Variants in MAN2B1 observed in about 807,000 individuals in gnomAD.
MAN2B1 encodes the protein lysosomal alpha-mannosidase.
In MAN2B1, 99 loss-of-function variants were observed where a neutral mutation model predicts 127.5. The ratio of observed to expected loss-of-function variants is 0.78; its 90% CI spans 0.66 to 0.92. The LOEUF (loss-of-function observed/expected upper bound fraction) is 0.92. Among genes scored for constraint, MAN2B1 ranks in the 40% least tolerant of loss-of-function variants. MAN2B1 has a pLI of 0.00. For synonymous variants in MAN2B1, 573 were observed against 568.8 expected (o/e 1.01, Z -0.11); for missense variants, 1,304 against 1,384.8 (o/e 0.94, Z 0.93).
chr19:12,647,219 G>T lies in MAN2B1; in HGVS notation c.2923+14C>A. On this transcript the variant is annotated intron_variant, in intron 23 of 23. Transcript: ENST00000456935. This position sits in a 1 kb window ranked among gnomAD's most constrained non-coding sequence, Gnocchi z 4.9. ...AAGACTCCACCCCTTCCCTACCCCT[G>T]ACCAGGGCCCCACCTGTGTTTGTTG... 6.2e-7 allele frequency: 1 copy of T among 1,608,818 alleles called. No homozygotes were observed. Among genetic ancestry groups the T allele is most frequent in the South Asian group, 1.1e-5 (1 of 90,924 alleles).
Position 12,658,111 on chromosome 19 carries a change from G to C in MAN2B1, c.1261C>G (p.Leu421Val). 6.2e-7 allele frequency: 1 copy of C among 1,613,494 alleles called. No individual in the cohort carries two copies. The highest frequency in any genetic ancestry group is 1.7e-4 in the Middle Eastern group (1 of 6,042). Residue 421 changes from leucine (L) to valine (V), a missense_variant, in exon 10 of 24, where the codon CTG becomes GTG. By Grantham distance (32) the Leu-to-Val change is conservative (BLOSUM62 1). Coordinates refer to ENST00000456935, the MANE Select transcript of MAN2B1 (RefSeq NM_000528.4). ...CCATAGGGTCCCACGTTGGCCGCCAGGCCCACCAGCGCCTCCAGCTGGTTG... is the reference window on the plus strand; with the variant it reads ...CCATAGGGTCCCACGTTGGCCGCCACGCCCACCAGCGCCTCCAGCTGGTTG... ...VCNQLEALVG[L>V]AANVGPYGSG...
chr19:12,652,866 G>C (rs1007334589), intron 14 of MAN2B1, among the ~76,000 whole-genome samples: 6 of 150,936 alleles, frequency 4.0e-5, no homozygotes, highest in African/African-American at 1.5e-4. Context: ...ACAGAAACTT[G>C]CTGTGTCGCC....
chr19:12,665,000 G>C lies in MAN2B1; in HGVS notation c.437-15C>G. 1 of 1,611,620 alleles carries C rather than the reference G, an allele frequency of 6.2e-7. No individual in the cohort carries two copies. Reference sequence around the variant, plus strand: ...CTCCAGGCGCCCTGTGCCAGGACAGGCAAGGTCAGGGTCAGCGGTCAGAGC... The same window carrying C: ...CTCCAGGCGCCCTGTGCCAGGACAGCCAAGGTCAGGGTCAGCGGTCAGAGC... On this transcript the variant is annotated splice_polypyrimidine_tract_variant and intron_variant, in intron 3 of 23. Transcript: ENST00000456935.
chr19:12,650,403 G>T (rs1391068140), intron 16 of MAN2B1, among the ~76,000 whole-genome samples, 181 bp from the exon 17 acceptor site: 3 of 146,464 alleles, frequency 2.0e-5, no homozygotes, highest in Non-Finnish European at 4.5e-5. Context: ...CTTTTGCCCA[G>T]GCGGGAGTGC....
At position 12,658,359 on chromosome 19, in the gene MAN2B1, G is replaced by C. The variant is rs202085731; in HGVS notation, c.1110-15C>G. 6.2e-7 allele frequency: 1 copy of C among 1,614,236 alleles called. No individual in the cohort carries two copies. Among genetic ancestry groups the C allele is most frequent in the Admixed American group, 1.7e-5 (1 of 60,026 alleles). The stretch of plus-strand genomic sequence containing the variant: ...GTTTCACTGACCTACAGCGGCAGGG[G>C]CATTGAGGGCAGGGTCATGACCCAC... On this transcript the variant is annotated splice_polypyrimidine_tract_variant and intron_variant, in intron 8 of 23. Transcript: ENST00000456935.
At chr19:12,654,636 T>A (rs1023824787) in intron 14 of MAN2B1, among the ~76,000 whole-genome samples, 1 of 152,210 alleles carries the variant, frequency 6.6e-6, no homozygotes, top group Non-Finnish European at 1.5e-5. Flanking sequence ...ATGAAAAAGA[T>A]GTTTTCTTCC....
chr19:12,658,043 C>T lies in MAN2B1; in HGVS notation c.1309+20G>A. On this transcript the variant is annotated intron_variant, in intron 10 of 23. Coordinates refer to ENST00000456935, the MANE Select transcript of MAN2B1 (RefSeq NM_000528.4). ...CAACTTCAGCCGCAAACCTCTTCCC[C>T]TCTTGGGCCCGACACTTACTGAGGG... 3 of 1,612,166 alleles carry T rather than the reference C, an allele frequency of 1.9e-6. No homozygotes were observed. Among genetic ancestry groups the T allele is most frequent in the Non-Finnish European group, 2.5e-6 (3 of 1,179,350 alleles).
chr19:12,648,428 G>GAGCC (rs751431290), intron 20 of MAN2B1, 26 bp from the exon 21 acceptor site: 2 of 1,573,524 alleles, frequency 1.3e-6, no homozygotes, highest in Admixed American at 3.4e-5. Flanking sequence ...CCAGGAGGGG[G>GAGCC]TGAGAGTCGT....
In MAN2B1 at chr19:12,648,199, A is replaced by G. The variant is rs763786776; in HGVS notation, c.2640T>C (p.Asn880=). The G allele has an allele frequency of 9.8e-5, 152 of 1,548,454 alleles. No homozygotes were observed. The highest frequency in any genetic ancestry group is 1.9e-4 in the Middle Eastern group (1 of 5,154). Residue 880 remains asparagine (N), a synonymous_variant, in exon 21 of 24, where the codon AAT becomes AAC. Coordinates refer to ENST00000456935, the MANE Select transcript of MAN2B1 (RefSeq NM_000528.4). ...CCTGCGTGCGCGGAGGAGCCCCGAG[A>G]TTGTAGGCGGCGCCGCCACCCGGGG... ...VLAPGGGAAY[N]LGAPPRTQFS...
chr19:12,657,378 T>G, intron 11 of MAN2B1, 68 bp downstream of exon 11: 4 of 1,389,218 alleles, frequency 2.9e-6, no homozygotes, highest in African/African-American at 2.9e-5. Context: ...CTCTGTCCCC[T>G]TTCCCAGGCC....
chr19:12,657,231 C>T lies in MAN2B1; in HGVS notation c.1420-175G>A, dbSNP rs1034047991. 6 of 708,680 alleles carry T rather than the reference C, an allele frequency of 8.5e-6. No homozygotes were observed. In the African/African-American group the frequency reaches 8.8e-5, roughly 10 times the overall value. 43.9% of individuals were successfully genotyped at this position (708,680 alleles called of 1,614,324 possible). Reference sequence around the variant, plus strand: ...TATACCCCATAGCTGTCTCCGCCTCCTCTTGCCCACGCCCCGCCTCCTTCC... The same window carrying T: ...TATACCCCATAGCTGTCTCCGCCTCTTCTTGCCCACGCCCCGCCTCCTTCC... On this transcript the variant is annotated intron_variant, in intron 11 of 23. Transcript: ENST00000456935.
intron 6 of MAN2B1, 151 bp from the exon 7 acceptor site, chr19:12,661,527 G>A (rs1467373342): frequency 7.1e-6 from 5 of 706,700 alleles, no homozygotes; most frequent in East Asian, 5.2e-5. Flanking sequence ...GATAAAAGTA[G>A]CCACCAGTTG....
At position 12,656,688 on chromosome 19, in the gene MAN2B1, C is replaced by T. The variant is rs561991886; in HGVS notation, c.1528-1G>A. 1.2e-5 allele frequency: 19 copies of T among 1,606,662 alleles called. No homozygotes were observed. In the South Asian group the frequency reaches 2.0e-4, roughly 17 times the overall value. ...GGGGATTATAAACGATGACCTGGAA[C>T]TGGGGAGGCGGGGGTCAGAGAGGGC... On this transcript the variant is annotated splice_acceptor_variant, in intron 12 of 23. Coordinates refer to ENST00000456935, the MANE Select transcript of MAN2B1 (RefSeq NM_000528.4). LOFTEE classifies it high-confidence loss of function.
chr19:12,659,268 C>G (rs28530601), intron 7 of MAN2B1, among the ~76,000 whole-genome samples: 3,089 of 151,640 alleles, frequency 0.02, 106 homozygotes, highest in African/African-American at 0.071. Flanking sequence ...AGCTGTGTCC[C>G]CCAATGTACA....
chr19:12,665,399 T>C lies in MAN2B1; in HGVS notation c.389A>G (p.Gln130Arg), dbSNP rs1265132896. Residue 130 changes from glutamine (Q) to arginine (R), a missense_variant, in exon 3 of 24, where the codon CAG becomes CGG. By Grantham distance (43) the Gln-to-Arg change is conservative (BLOSUM62 1). Coordinates refer to ENST00000456935, the MANE Select transcript of MAN2B1 (RefSeq NM_000528.4). Reference protein sequence around the residue: ...EIAFFSRWWHQQTNATQEVVR... With the variant: ...EIAFFSRWWHRQTNATQEVVR... The stretch of plus-strand genomic sequence containing the variant: ...GACTTCCTGTGTGGCATTTGTCTGC[T>C]GGTGCCACCAACGGGAGAAGAAGGC... 6.2e-7 allele frequency: 1 copy of C among 1,611,986 alleles called. No homozygotes were observed. Among genetic ancestry groups the C allele is most frequent in the African/African-American group, 1.3e-5 (1 of 74,918 alleles).
intron 12 of MAN2B1, 39 bp downstream of exon 12, chr19:12,656,910 C>T (rs774677014): frequency 1.3e-6 from 2 of 1,505,062 alleles, no homozygotes; most frequent in Admixed American, 1.7e-5. Context: ...CCCTCTAAAG[C>T]CCATCTGCCC....
At chr19:12,658,631 G>T (rs1017377319) in intron 7 of MAN2B1, 121 bp from the exon 8 acceptor site, 8 of 920,288 alleles carry the variant, frequency 8.7e-6, no homozygotes, top group Non-Finnish European at 1.4e-5. Context: ...ATACATATTT[G>T]GCGTGCAAGC....
rs544941864 is a variant in MAN2B1, at chr19:12,657,354, C to T, written c.1419+92G>A. Reference sequence around the variant, plus strand: ...AGCCCCGCCACAGGGCTCTCGGCTACGCCTCACACCTGTCTCTGTCCCCTT... The same window carrying T: ...AGCCCCGCCACAGGGCTCTCGGCTATGCCTCACACCTGTCTCTGTCCCCTT... On this transcript the variant is annotated intron_variant, in intron 11 of 23. Coordinates refer to ENST00000456935, the MANE Select transcript of MAN2B1 (RefSeq NM_000528.4). 17 of 1,176,028 alleles carry T rather than the reference C, an allele frequency of 1.4e-5. No individual in the cohort carries two copies. The East Asian group carries it at 3.7e-4, about 25-fold the overall frequency. 72.8% of individuals were successfully genotyped at this position (1,176,028 alleles called of 1,614,324 possible).
At chr19:12,649,795 C>T in intron 18 of MAN2B1, 118 bp downstream of exon 18, 1 of 922,162 alleles carries the variant, frequency 1.1e-6, no homozygotes, top group Non-Finnish European at 1.8e-6. Context: ...CTCCCCCGCC[C>T]TTCACTCTCC....
Sources: allele counts gnomAD v4.1 joint callset (sites outside exome capture counted in the v4.1 genomes callset), GRCh38; gene constraint gnomAD v4.1.1; non-coding constraint Gnocchi (gnomAD v3.1); transcripts MANE v1.5; gene names NCBI Gene and HGNC (gene_info 2026-07-23, HGNC 2026-07-21).